AHCTF1: variants seen among roughly 807,000 people sequenced by gnomAD.
AHCTF1 encodes the protein protein ELYS.
AHCTF1 carries 24 observed loss-of-function variants against 248.4 expected under a neutral mutation model. The observed-to-expected ratio is 0.10, with a 90% confidence interval of 0.07 to 0.14. The LOEUF (loss-of-function observed/expected upper bound fraction) is 0.14, where lower values mean the gene tolerates loss of function less well. AHCTF1 is among the 10% of genes least tolerant of loss of function. The probability of loss-of-function intolerance (pLI) is 1.00; values close to 1 mark genes in which losing one functional copy is unlikely to be tolerated. For synonymous variants in AHCTF1, 786 were observed against 929.8 expected, an observed-to-expected ratio of 0.85 and a Z score of 2.81; for missense variants, 2,206 against 2,636.2, an observed-to-expected ratio of 0.84 and a Z score of 3.57.
intron 24 of AHCTF1, among the ~76,000 whole-genome samples, chr1:246,868,909 A>C (rs1425524361): frequency 7.0e-6 from 1 of 141,902 alleles, no homozygotes; most frequent in African/African-American, 2.7e-5. Flanking sequence ...CAGTGGTGTG[A>C]TCTCGGCTCA....
At chr1:246,926,217 A>G (rs1400135661) in intron 1 of AHCTF1, among the ~76,000 whole-genome samples, 1 of 152,164 alleles carries the variant, frequency 6.6e-6, no homozygotes, top group Non-Finnish European at 1.5e-5. Context: ...CCATGAGGCA[A>G]AATAAACCTC....
chr1:246,881,287 T>C (rs544110138), intron 21 of AHCTF1, among the ~76,000 whole-genome samples: 2 of 152,186 alleles, frequency 1.3e-5, no homozygotes, highest in Non-Finnish European at 2.9e-5. Flanking sequence ...GTACCTAATA[T>C]TCAAAATACA....
chr1:246,892,001 C>G, intron 14 of AHCTF1, 82 bp from the exon 15 acceptor site: 3 of 1,362,928 alleles, frequency 2.2e-6, no homozygotes, highest in Non-Finnish European at 3.0e-6. Flanking sequence ...TTCTCAAACT[C>G]CTATCACTCA....
rs568054756 is a variant in AHCTF1, at chr1:246,931,473, G to C, written c.-8+105C>G. ...GCCTAGGCCCGGCGCTCGCGGGGCA[G>C]AAGCCCCGCCGCCGCCGCCGCCGCC... On this transcript the variant is annotated intron_variant, in intron 1 of 35. Coordinates refer to ENST00000648844, the MANE Select transcript of AHCTF1 (RefSeq NM_001323342.2). 8,970 of 911,482 alleles carry C rather than the reference G, an allele frequency of 9.8e-3. 102 individuals carry two copies. The highest frequency in any genetic ancestry group is 0.055 in the African/African-American group (2,487 of 45,022). The allele number at this position is 911,482 out of a possible 1,614,324, so 56.5% of individuals were successfully genotyped here.
chr1:246,924,967 A>AC (rs1666829912), intron 1 of AHCTF1, among the ~76,000 whole-genome samples: 1 of 152,158 alleles, frequency 6.6e-6, no homozygotes. Context: ...ACACAAATGG[A>AC]CCCTATTCAT....
At chr1:246,891,190 G>A (rs1220613694) in intron 15 of AHCTF1, 130 bp from the exon 16 acceptor site, 2 of 543,292 alleles carry the variant, frequency 3.7e-6, no homozygotes, top group Non-Finnish European at 6.3e-6. Flanking sequence ...ATTTGTTCAA[G>A]ATATATGTAT....
intron 25 of AHCTF1, 51 bp downstream of exon 25, chr1:246,867,610 C>A (rs765746489): frequency 8.1e-5 from 128 of 1,586,478 alleles, no homozygotes; most frequent in Non-Finnish European, 1.0e-4. Flanking sequence ...CTGTTGATGT[C>A]CAGTAAAGAT....
At chr1:246,870,400 G>C (rs1375939763) in intron 24 of AHCTF1, among the ~76,000 whole-genome samples, 1 of 152,160 alleles carries the variant, frequency 6.6e-6, no homozygotes, top group Non-Finnish European at 1.5e-5. Flanking sequence ...TAGAGCATCT[G>C]TGACAGACAA....
At chr1:246,903,911 A>C (rs766597402) in intron 7 of AHCTF1, 38 bp downstream of exon 7, 1 of 1,417,458 alleles carries the variant, frequency 7.1e-7, no homozygotes, top group Admixed American at 1.9e-5. Context: ...GAAAACAACA[A>C]AATGGTAATA....
At chr1:246,873,560 T>C (rs1662745224) in intron 24 of AHCTF1, among the ~76,000 whole-genome samples, 1 of 152,122 alleles carries the variant, frequency 6.6e-6, no homozygotes, top group Non-Finnish European at 1.5e-5. Flanking sequence ...ATAATAAATA[T>C]ACTAGAGACA....
chr1:246,853,380 G>A (rs1660860587), intron 31 of AHCTF1, 81 bp from the exon 32 acceptor site: 1 of 1,150,612 alleles, frequency 8.7e-7, no homozygotes, highest in African/African-American at 1.6e-5. Flanking sequence ...AAAGGAAAAG[G>A]CTACACTGCA....
chr1:246,879,687 GC>G (rs1017412928), intron 21 of AHCTF1, among the ~76,000 whole-genome samples: 6 of 152,004 alleles, frequency 3.9e-5, no homozygotes, highest in African/African-American at 1.5e-4. Context: ...AATTAGCAAG[GC>G]GTGGTGGTGC....
At chr1:246,901,655 A>C (rs1452983751) in intron 8 of AHCTF1, among the ~76,000 whole-genome samples, 3 of 152,006 alleles carry the variant, frequency 2.0e-5, no homozygotes, top group African/African-American at 7.2e-5. Flanking sequence ...CTGTCACTAC[A>C]AAAAATACAA....
At chr1:246,921,532 G>C (rs1028607424) in intron 1 of AHCTF1, among the ~76,000 whole-genome samples, 3 of 152,146 alleles carry the variant, frequency 2.0e-5, no homozygotes, top group Non-Finnish European at 2.9e-5. Flanking sequence ...TTAAATTATA[G>C]ATAAGGAAGA....
intron 2 of AHCTF1, among the ~76,000 whole-genome samples, chr1:246,917,120 T>A (rs905410693): frequency 6.6e-5 from 10 of 152,196 alleles, no homozygotes; most frequent in African/African-American, 2.4e-4. Flanking sequence ...CTCCAGCTGC[T>A]AAGCAAAGAA....
In AHCTF1 at chr1:246,928,303, A is replaced by C. The variant is rs1201012041; in HGVS notation, c.-8+3275T>G. 3.1e-4 allele frequency among the ~76,000 whole-genome samples: 10 copies of C among 31,928 alleles called. No individual in the cohort carries two copies. In the East Asian group the frequency reaches 7.9e-3, roughly 25 times the overall value. The allele number at this position is 31,928 out of a possible 152,430, so 20.9% of individuals were successfully genotyped here. ...GGGCGACAGAGCGAGACTCCGTCTC[A>C]AAAAAAAAAAAAAAAAAAAATTACT... On this transcript the variant is annotated intron_variant, in intron 1 of 35. Coordinates refer to ENST00000648844, the MANE Select transcript of AHCTF1 (RefSeq NM_001323342.2).
intron 33 of AHCTF1, among the ~76,000 whole-genome samples, chr1:246,844,566 T>A (rs1363295479): frequency 6.6e-6 from 1 of 151,884 alleles, no homozygotes; most frequent in Non-Finnish European, 1.5e-5. Flanking sequence ...TACAAAAAAT[T>A]TTTAAAAGAT....
chr1:246,879,656 T>G (rs1320424827), intron 21 of AHCTF1, among the ~76,000 whole-genome samples: 1 of 151,998 alleles, frequency 6.6e-6, no homozygotes, highest in Non-Finnish European at 1.5e-5. Flanking sequence ...GGCAAAACCC[T>G]GTTGCTACTA....
At chr1:246,916,439 A>C in intron 2 of AHCTF1, 44 bp from the exon 3 acceptor site, 1 of 1,534,246 alleles carries the variant, frequency 6.5e-7, no homozygotes, top group Non-Finnish European at 8.9e-7. Flanking sequence ...GTATATACAC[A>C]AAACATGCAA....
Sources: allele counts gnomAD v4.1 joint callset (sites outside exome capture counted in the v4.1 genomes callset), GRCh38; gene constraint gnomAD v4.1.1; transcripts MANE v1.5; gene names NCBI Gene and HGNC (gene_info 2026-07-23, HGNC 2026-07-21).